PIK3C2A: variants seen among roughly 807,000 people sequenced by gnomAD.
The protein encoded by PIK3C2A is phosphatidylinositol 4-phosphate 3-kinase C2 domain-containing subunit alpha.
A neutral mutation model predicts 204.5 loss-of-function variants in PIK3C2A; 97 were observed. The ratio of observed to expected loss-of-function variants is 0.47; its 90% CI spans 0.40 to 0.56. PIK3C2A has a LOEUF of 0.56. Among genes scored for constraint, PIK3C2A ranks in the 20% least tolerant of loss-of-function variants. The probability of loss-of-function intolerance (pLI) is 0.00; values close to 1 mark genes in which losing one functional copy is unlikely to be tolerated. For synonymous variants in PIK3C2A, 653 were observed against 664.4 expected (o/e 0.98, Z 0.26); for missense variants, 1,735 against 1,969.2 (o/e 0.88, Z 2.25).
At chr11:17,188,948 A>G (rs1851847908) in intron 1 of PIK3C2A, among the ~76,000 whole-genome samples, 1 of 147,010 alleles carries the variant, frequency 6.8e-6, no homozygotes, top group South Asian at 2.1e-4. Flanking sequence ...CAAGGGTAAG[A>G]GCAGCAAGGC....
Position 17,099,759 on chromosome 11 carries a change from A to C in PIK3C2A, c.4118+101T>G, listed in dbSNP as rs1229301583. On this transcript the variant is annotated intron_variant, in intron 26 of 32. Transcript: ENST00000691414. ...TTACTATGAATCAGAATTTGTTCCT[A>C]TAAATTAGAATTTTGATAAATAGCA... 6.7e-6 allele frequency: 4 copies of C among 596,250 alleles called. No homozygotes were observed. The African/African-American group carries it at 7.5e-5, about 11-fold the overall frequency. The allele number at this position is 596,250 out of a possible 1,614,324, so 36.9% of individuals were successfully genotyped here.
chr11:17,128,924 G>C (rs1456897944), intron 13 of PIK3C2A, among the ~76,000 whole-genome samples: 1 of 152,186 alleles, frequency 6.6e-6, no homozygotes, highest in Non-Finnish European at 1.5e-5. Context: ...TAAAACTGGA[G>C]AAGAGTAGGA....
rs189141558 is a variant in PIK3C2A, at chr11:17,166,863, C to T, written c.1065+1814G>A. Reference sequence around the variant, plus strand: ...CATGAGAAACCTATAAAATAGAGACCCACAGCTGGGGAGTCATCTGCCTAT... The same window carrying T: ...CATGAGAAACCTATAAAATAGAGACTCACAGCTGGGGAGTCATCTGCCTAT... On this transcript the variant is annotated intron_variant, in intron 2 of 32. Coordinates refer to ENST00000691414, the MANE Select transcript of PIK3C2A (RefSeq NM_002645.4). 5.1e-3 allele frequency among the ~76,000 whole-genome samples: 773 copies of T among 152,244 alleles called. 4 individuals carry two copies. Among genetic ancestry groups the T allele is most frequent in the Non-Finnish European group, 8.4e-3 (573 of 68,008 alleles).
intron 17 of PIK3C2A, 87 bp downstream of exon 17, chr11:17,119,133 A>G (rs1403365318): frequency 2.5e-6 from 2 of 785,822 alleles, no homozygotes; most frequent in Non-Finnish European, 4.3e-6. Context: ...ACGACTTTTA[A>G]TCTAAACAGA....
At chr11:17,113,538 G>A (rs1849067538) in intron 20 of PIK3C2A, among the ~76,000 whole-genome samples, 1 of 152,004 alleles carries the variant, frequency 6.6e-6, no homozygotes, top group Non-Finnish European at 1.5e-5. Context: ...TTAAGACAGT[G>A]AGACCAGCTG....
chr11:17,105,934 C>T (rs1340666020), intron 22 of PIK3C2A, among the ~76,000 whole-genome samples: 1 of 151,548 alleles, frequency 6.6e-6, no homozygotes, highest in Non-Finnish European at 1.5e-5. Context: ...CATGGCAAAA[C>T]CCCGTCTCTA....
chr11:17,124,680 TACTGTCTACG>T (rs1241317633), intron 13 of PIK3C2A, among the ~76,000 whole-genome samples: 19 of 152,388 alleles, frequency 1.2e-4, no homozygotes, highest in African/African-American at 3.8e-4. Flanking sequence ...TTTGTTAATG[TACTGTCTACG>T]ACTGCTTTTG....
intron 25 of PIK3C2A, among the ~76,000 whole-genome samples, chr11:17,100,663 T>C (rs1441213672): frequency 1.3e-5 from 2 of 152,184 alleles, no homozygotes; most frequent in Non-Finnish European, 2.9e-5. Flanking sequence ...ACTTCTCATC[T>C]CCCATCCACC....
Position 17,105,178 on chromosome 11 carries a change from T to G in PIK3C2A, c.3672A>C (p.Glu1224Asp), listed in dbSNP as rs768562791. ...GAGACATGCTAATTACCTTTTCATA[T>G]TCTTCTTCAGAGGGATTGTATTTCC... ...WLRKYNPSEE[E>D]YEKASENFIY... Residue 1224 changes from glutamate to aspartate, a missense_variant, in exon 23 of 33, where the codon GAA becomes GAC. By Grantham distance (45) the Glu-to-Asp change is conservative (BLOSUM62 2). This residue lies in a region of PIK3C2A where 503 missense variants were observed against 669.0 expected (regional missense o/e 0.75). Transcript: ENST00000691414. The G allele has an allele frequency of 4.3e-6, 7 of 1,611,054 alleles. No homozygotes were observed. The highest frequency in any genetic ancestry group is 4.2e-6 in the Non-Finnish European group (5 of 1,177,352).
At chr11:17,098,641 C>T (rs1467385980) in intron 26 of PIK3C2A, among the ~76,000 whole-genome samples, 1 of 152,174 alleles carries the variant, frequency 6.6e-6, no homozygotes, top group Non-Finnish European at 1.5e-5. Context: ...CCCATCAATA[C>T]CTAAATTGTC....
intron 11 of PIK3C2A, among the ~76,000 whole-genome samples, chr11:17,134,058 T>TA (rs1467222994): frequency 1.3e-5 from 2 of 152,192 alleles, no homozygotes; most frequent in African/African-American, 2.4e-5. Context: ...TGTAAAGAGT[T>TA]ACATTTTTTT....
At chr11:17,198,717 A>G (rs753539040) in intron 1 of PIK3C2A, among the ~76,000 whole-genome samples, 10 of 152,068 alleles carry the variant, frequency 6.6e-5, no homozygotes, top group Non-Finnish European at 1.3e-4. Flanking sequence ...CTTTGAGCCT[A>G]TCAGGTCAAG....
At position 17,101,385 on chromosome 11, in the gene PIK3C2A, C is replaced by T; in HGVS notation, c.3901G>A (p.Gly1301Arg). ...AAACGAATGGTGGGCTTTTCACCCC[C>T]ATTAATGACATATGCCATATCAGAG... is the stretch of plus-strand genomic sequence containing the variant. Reference protein sequence around the residue: ...LTSDMAYVINGGEKPTIRFQL... With the variant: ...LTSDMAYVINRGEKPTIRFQL... The change falls in exon 25 of 33, where the codon GGG (glycine) becomes AGG (arginine). Residue 1301 changes from glycine to arginine, a missense_variant. Physicochemically the swap from Gly to Arg is moderately radical, Grantham distance 125. This residue lies in a region of PIK3C2A where 503 missense variants were observed against 669.0 expected (regional missense o/e 0.75). Transcript: ENST00000691414. 1 of 1,595,314 alleles carries T rather than the reference C, an allele frequency of 6.3e-7. No homozygotes were observed. Among genetic ancestry groups the T allele is most frequent in the Non-Finnish European group, 8.6e-7 (1 of 1,165,606 alleles).
At chr11:17,177,525 G>T (rs980006365) in intron 1 of PIK3C2A, among the ~76,000 whole-genome samples, 3 of 152,148 alleles carry the variant, frequency 2.0e-5, no homozygotes. Flanking sequence ...ATAAACAAGT[G>T]GGGTGGGGGA....
chr11:17,195,415 G>GA (rs568646019), intron 1 of PIK3C2A, among the ~76,000 whole-genome samples: 100 of 137,012 alleles, frequency 7.3e-4, no homozygotes, highest in African/African-American at 1.4e-3. Flanking sequence ...CTGTCTCAAA[G>GA]AAAAAAAAAA....
chr11:17,168,844 C>T lies in PIK3C2A; in HGVS notation c.898G>A (p.Ala300Thr). Residue 300 changes from alanine (A) to threonine (T), a missense_variant, in exon 2 of 33, where the codon GCA becomes ACA. Physicochemically the swap from Ala to Thr is moderately conservative, Grantham distance 58. Around this residue, in one of 6 missense-constraint regions of PIK3C2A, gnomAD observed 536 missense variants for 546.7 expected, o/e 0.98. Transcript: ENST00000691414. ...AGAACAGCATCCCAAGGATCCTTTG[C>T]TAGCAAACTTGAAACATTTTTCTCT... Reference protein sequence around the residue: ...EEEKNVSSLLAKDPWDAVLLE... With the variant: ...EEEKNVSSLLTKDPWDAVLLE... 1 of 1,614,084 alleles carries T rather than the reference C, an allele frequency of 6.2e-7. No homozygotes were observed. The highest frequency in any genetic ancestry group is 8.5e-7 in the Non-Finnish European group (1 of 1,179,982).
chr11:17,196,341 A>G (rs1224535079), intron 1 of PIK3C2A, among the ~76,000 whole-genome samples: 1 of 152,216 alleles, frequency 6.6e-6, no homozygotes, highest in Non-Finnish European at 1.5e-5. Context: ...CAAGATCCCT[A>G]TTGTTCTGTG....
intron 8 of PIK3C2A, among the ~76,000 whole-genome samples, chr11:17,143,552 T>C (rs1195330569): frequency 6.6e-6 from 1 of 150,474 alleles, no homozygotes; most frequent in African/African-American, 2.5e-5. Context: ...GTTTTCAGGA[T>C]ACACAATCTC....
chr11:17,184,362 G>A (rs1005016814), intron 1 of PIK3C2A, among the ~76,000 whole-genome samples: 1 of 152,012 alleles, frequency 6.6e-6, no homozygotes, highest in African/African-American at 2.4e-5. Context: ...AACAAGATGT[G>A]GAGATGGAAA....
Sources: allele counts gnomAD v4.1 joint callset (sites outside exome capture counted in the v4.1 genomes callset), GRCh38; gene constraint gnomAD v4.1.1; regional missense constraint gnomAD v4.1.1; transcripts MANE v1.5; gene names NCBI Gene and HGNC (gene_info 2026-07-23, HGNC 2026-07-21).